HYAL2: variants seen among roughly 807,000 people sequenced by gnomAD.
The protein encoded by HYAL2 is hyaluronidase 2, also known as hyaluronidase-2.
Under a neutral mutation model 35.4 loss-of-function variants are expected in HYAL2, and 30 were observed. That is an observed-to-expected ratio of 0.85 (90% CI 0.63 to 1.15). The LOEUF (loss-of-function observed/expected upper bound fraction) is 1.15, where lower values mean the gene tolerates loss of function less well. Among genes scored for constraint, HYAL2 ranks in the 50% most tolerant of loss-of-function variants. The pLI is 0.00. For synonymous variants in HYAL2, 262 were observed against 252.8 expected (o/e 1.04, Z -0.34); for missense variants, 635 against 646.5 (o/e 0.98, Z 0.19).
At chr3:50,319,084 AC>A in intron 2 of HYAL2, 39 bp from the exon 3 acceptor site, 1 of 1,463,260 alleles carries the variant, frequency 6.8e-7, no homozygotes, top group Non-Finnish European at 9.4e-7. Flanking sequence ...GAAGACTGAG[AC>A]CACAGGGTGA....
chr3:50,317,828 T>C lies in HYAL2; in HGVS notation c.*301A>G, dbSNP rs1253591720. The stretch of plus-strand genomic sequence containing the variant: ...AGAGAAGCAATTGTTTTATGTTTAA[T>C]TTACAAAAGAGACCCCAAAATAATA... On this transcript the variant is annotated 3_prime_UTR_variant, in exon 4 of 4. Coordinates refer to ENST00000357750, the MANE Select transcript of HYAL2 (RefSeq NM_003773.5). 2 of 303,346 alleles carry C rather than the reference T, an allele frequency of 6.6e-6. No homozygotes were observed. The highest frequency in any genetic ancestry group is 1.2e-5 in the Non-Finnish European group (2 of 165,534). The allele number at this position is 303,346 out of a possible 1,614,324, so 18.8% of individuals were successfully genotyped here.
intron 1 of HYAL2, chr3:50,321,060 T>C (rs1431070396): frequency 6.6e-6 from 1 of 152,330 alleles, no homozygotes; most frequent in African/African-American, 2.4e-5. Context: ...GCTGACACTC[T>C]CCCGGCTTGG....
At position 50,320,524 on chromosome 3, in the gene HYAL2, C is replaced by T. The variant is rs1702664680; in HGVS notation, c.-35G>A. The T allele has an allele frequency of 2.7e-6, 4 of 1,490,826 alleles. No individual in the cohort carries two copies. In the South Asian group the frequency reaches 4.1e-5, roughly 15 times the overall value. The allele number at this position is 1,490,826 out of a possible 1,614,324, so 92.3% of individuals were successfully genotyped here. ...TGCAGGAGGTGTCACCTGCCTGGCA[C>T]CAGCTCAGGAACTGGAAGAAGGGTT... is the stretch of plus-strand genomic sequence containing the variant. On this transcript the variant is annotated 5_prime_UTR_variant, in exon 2 of 4. It adds an upstream start codon to the 5' untranslated region. Transcript: ENST00000357750. This position sits in a 1 kb window ranked among gnomAD's most constrained non-coding sequence, Gnocchi z 4.8.
chr3:50,319,995 G>A lies in HYAL2; in HGVS notation c.495C>T (p.Asp165=). The change falls in exon 2 of 4, where the codon GAC becomes GAT. Residue 165 remains aspartate, a synonymous_variant. Coordinates refer to ENST00000357750, the MANE Select transcript of HYAL2 (RefSeq NM_003773.5). ...GTTTGACTATGCGGTCTGGAGGCCA[G>A]TCAGGGTGACGACTGGCCACTAGCT... is the stretch of plus-strand genomic sequence containing the variant. ...SRQLVASRHP[D]WPPDRIVKQA... 6.2e-7 allele frequency: 1 copy of A among 1,613,410 alleles called. No individual in the cohort carries two copies. Among genetic ancestry groups the A allele is most frequent in the East Asian group, 2.2e-5 (1 of 44,890 alleles).
In HYAL2 at chr3:50,318,596, C is replaced by T. The variant is rs1264519010; in HGVS notation, c.1012-57G>A. 16 of 1,472,950 alleles carry T rather than the reference C, an allele frequency of 1.1e-5. No homozygotes were observed. Among genetic ancestry groups the T allele is most frequent in the Non-Finnish European group, 1.4e-5 (15 of 1,081,076 alleles). The allele number at this position is 1,472,950 out of a possible 1,614,324, so 91.2% of individuals were successfully genotyped here. ...GGTCAGCTGCCTCAGCCCACAGGCC[C>T]AGATGGAAACTGTGTCCACACTGTG... is the stretch of plus-strand genomic sequence containing the variant. On this transcript the variant is annotated intron_variant, in intron 3 of 3. Coordinates refer to ENST00000357750, the MANE Select transcript of HYAL2 (RefSeq NM_003773.5). The surrounding 1 kb of genome is among the most constrained non-coding windows in gnomAD (Gnocchi z 4.5).
At position 50,318,966 on chromosome 3, in the gene HYAL2, G is replaced by T; in HGVS notation, c.1001C>A (p.Thr334Asn). 4 of 1,613,546 alleles carry T rather than the reference G, an allele frequency of 2.5e-6. No individual in the cohort carries two copies. Among genetic ancestry groups the T allele is most frequent in the Non-Finnish European group, 2.5e-6 (3 of 1,179,728 alleles). ...GVILWGDAGYTTSTETCQYLK... is the reference protein window; with the variant it reads ...GVILWGDAGYNTSTETCQYLK... ...CTGGGTCTCGCTTACCGTGCTTGTG[G>T]TGTACCCCGCGTCACCCCAGAGGAT... is the stretch of plus-strand genomic sequence containing the variant. Residue 334 changes from threonine to asparagine, a missense_variant, in exon 3 of 4, where the codon ACC (threonine) becomes AAC (asparagine). Transcript: ENST00000357750. The surrounding 1 kb of genome is among the most constrained non-coding windows in gnomAD (Gnocchi z 4.5).
rs1176841342 is a variant in HYAL2 at position 50,320,798 on chromosome 3, T to C, written c.-46-263A>G. On this transcript the variant is annotated intron_variant, in intron 1 of 3. Coordinates refer to ENST00000357750, the MANE Select transcript of HYAL2 (RefSeq NM_003773.5). This position sits in a 1 kb window ranked among gnomAD's most constrained non-coding sequence, Gnocchi z 4.8. ...GTCTGTGACCCTTCTAAGAACTAGA[T>C]AATTTGGGCTCACCAGAGTCACATA... 3 of 367,142 alleles carry C rather than the reference T, an allele frequency of 8.2e-6. No homozygotes were observed. Among genetic ancestry groups the C allele is most frequent in the Non-Finnish European group, 1.5e-5 (3 of 202,964 alleles). The allele number at this position is 367,142 out of a possible 1,614,324, so 22.7% of individuals were successfully genotyped here. A position where few individuals can be genotyped will look rare whatever the true frequency, so the allele number is the denominator to read the frequency against.
In HYAL2 at chr3:50,319,714, G is replaced by T. The variant is rs1553716204; in HGVS notation, c.776C>A (p.Ala259Asp). ...AAAGTTGCGGCCATGGCGGGAGGAA[G>T]CAAGTGTCTCGTCCAGGTAGACAGA... is the stretch of plus-strand genomic sequence containing the variant. ...FPSVYLDETL[A>D]SSRHGRNFVS... Residue 259 changes from alanine to aspartate, a missense_variant, in exon 2 of 4, where the codon GCT (alanine) becomes GAT (aspartate). Transcript: ENST00000357750. The T allele has an allele frequency of 6.2e-7, 1 of 1,613,864 alleles. No individual in the cohort carries two copies. Among genetic ancestry groups the T allele is most frequent in the Admixed American group, 1.7e-5 (1 of 60,030 alleles).
In HYAL2 at chr3:50,318,782, C is replaced by T; in HGVS notation, c.1011+174G>A. 1.5e-6 allele frequency: 1 copy of T among 686,058 alleles called. No homozygotes were observed. Among genetic ancestry groups the T allele is most frequent in the Non-Finnish European group, 2.5e-6 (1 of 399,878 alleles). 42.5% of individuals were successfully genotyped at this position (686,058 alleles called of 1,614,324 possible). On this transcript the variant is annotated intron_variant, in intron 3 of 3. Transcript: ENST00000357750. This position sits in a 1 kb window ranked among gnomAD's most constrained non-coding sequence, Gnocchi z 4.5. ...CAACAGCTGTTCAGGACAGCATTTCCTCTTTCCTGAGAGCAGGGCCGGGGT... is the reference window on the plus strand; with the variant it reads ...CAACAGCTGTTCAGGACAGCATTTCTTCTTTCCTGAGAGCAGGGCCGGGGT...
At position 50,318,404 on chromosome 3, in the gene HYAL2, C is replaced by A. The variant is rs1702603249; in HGVS notation, c.1147G>T (p.Ala383Ser). 6.2e-7 allele frequency: 1 copy of A among 1,613,206 alleles called. No individual in the cohort carries two copies. Among genetic ancestry groups the A allele is most frequent in the African/African-American group, 1.3e-5 (1 of 74,954 alleles). The change falls in exon 4 of 4, where the codon GCC (alanine) becomes TCC (serine). Residue 383 changes from alanine (A) to serine (S), a missense_variant. Ala to Ser is a moderately conservative substitution (Grantham distance 99, BLOSUM62 1). Coordinates refer to ENST00000357750, the MANE Select transcript of HYAL2 (RefSeq NM_003773.5). The surrounding 1 kb of genome is among the most constrained non-coding windows in gnomAD (Gnocchi z 4.5). Reference sequence around the variant, plus strand: ...GTGCTGAGATGCAGGAAGGTACTGGCACTGGGGTTGCGGCGCACACAGCGC... The same window carrying A: ...GTGCTGAGATGCAGGAAGGTACTGGAACTGGGGTTGCGGCGCACACAGCGC... ...HGRCVRRNPS[A>S]STFLHLSTNS...
chr3:50,318,889 G>A lies in HYAL2; in HGVS notation c.1011+67C>T, dbSNP rs1553715984. 2.9e-6 allele frequency: 4 copies of A among 1,391,976 alleles called. No individual in the cohort carries two copies. The highest frequency in any genetic ancestry group is 4.1e-6 in the Non-Finnish European group (4 of 980,432). The allele number at this position is 1,391,976 out of a possible 1,614,324, so 86.2% of individuals were successfully genotyped here. ...GACTAGGATTGCCCACCTGAGGTTG[G>A]TAGCCAAAGGCCCTAACTCTCTGTC... is the stretch of plus-strand genomic sequence containing the variant. On this transcript the variant is annotated intron_variant, in intron 3 of 3. Coordinates refer to ENST00000357750, the MANE Select transcript of HYAL2 (RefSeq NM_003773.5). This position sits in a 1 kb window ranked among gnomAD's most constrained non-coding sequence, Gnocchi z 4.5.
In HYAL2 at chr3:50,320,168, C is replaced by T; in HGVS notation, c.322G>A (p.Ala108Thr). The T allele has an allele frequency of 6.2e-7, 1 of 1,613,908 alleles. No individual in the cohort carries two copies. Among genetic ancestry groups the T allele is most frequent in the Non-Finnish European group, 8.5e-7 (1 of 1,180,042 alleles). The stretch of plus-strand genomic sequence containing the variant: ...CGTTTCTGCAGCATCTTCCGGTGTG[C>T]CCAAAGGCTGACATTCTGTGGCACA... ...GGVPQNVSLW[A>T]HRKMLQKRVE... Residue 108 changes from alanine (A) to threonine (T), a missense_variant, in exon 2 of 4, where the codon GCA becomes ACA. Coordinates refer to ENST00000357750, the MANE Select transcript of HYAL2 (RefSeq NM_003773.5). This position sits in a 1 kb window ranked among gnomAD's most constrained non-coding sequence, Gnocchi z 4.8.
intron 2 of HYAL2, 78 bp downstream of exon 2, chr3:50,319,491 A>G (rs1702633989): frequency 2.4e-6 from 3 of 1,258,576 alleles, no homozygotes; most frequent in Non-Finnish European, 2.2e-6. Flanking sequence ...GTATAGTCCT[A>G]TAGTGGCCCC....
rs1702724293 is a variant in HYAL2 at position 50,322,633 on chromosome 3, G to C, written c.-47+20C>G. ...AGCGCATCTGTGGGGGTGCAGACCAGCCGTCTGCTCTGGGCTCACCTGTGT... is the reference window on the plus strand; with the variant it reads ...AGCGCATCTGTGGGGGTGCAGACCACCCGTCTGCTCTGGGCTCACCTGTGT... On this transcript the variant is annotated intron_variant, in intron 1 of 3. Transcript: ENST00000357750. This position sits in a 1 kb window ranked among gnomAD's most constrained non-coding sequence, Gnocchi z 5.5. 1 of 152,262 alleles carries C rather than the reference G, an allele frequency of 6.6e-6. No homozygotes were observed. The highest frequency in any genetic ancestry group is 6.5e-5 in the Admixed American group (1 of 15,292). The allele number at this position is 152,262 out of a possible 1,614,324, so 9.4% of individuals were successfully genotyped here.
Position 50,320,875 on chromosome 3 carries a change from T to G in HYAL2, c.-46-340A>C. The G allele has an allele frequency of 5.2e-6, 1 of 191,080 alleles. No individual in the cohort carries two copies. Among genetic ancestry groups the G allele is most frequent in the East Asian group, 1.4e-4 (1 of 7,348 alleles). 11.8% of individuals were successfully genotyped at this position (191,080 alleles called of 1,614,324 possible). ...GTTTCAGAGAACCCTGAACAGCTGA[T>G]GCCCACCCTGTACACCGTGAAGAAC... On this transcript the variant is annotated intron_variant, in intron 1 of 3. Transcript: ENST00000357750. The surrounding 1 kb of genome is among the most constrained non-coding windows in gnomAD (Gnocchi z 4.8).
rs1164055021 is a variant in HYAL2, at chr3:50,318,664, T to C, written c.1012-125A>G. 6.4e-6 allele frequency: 6 copies of C among 938,578 alleles called. No homozygotes were observed. Among genetic ancestry groups the C allele is most frequent in the Admixed American group, 2.7e-5 (1 of 37,628 alleles). 58.1% of individuals were successfully genotyped at this position (938,578 alleles called of 1,614,324 possible). A position where few individuals can be genotyped will look rare whatever the true frequency, so the allele number is the denominator to read the frequency against. The stretch of plus-strand genomic sequence containing the variant: ...TAACTGCACACATTCATACATTCAA[T>C]CTGCACCTGAGCCACACAGTCCCTG... On this transcript the variant is annotated intron_variant, in intron 3 of 3. Transcript: ENST00000357750. This position sits in a 1 kb window ranked among gnomAD's most constrained non-coding sequence, Gnocchi z 4.5.
In HYAL2 at chr3:50,320,333, C is replaced by T. The variant is rs1702658624; in HGVS notation, c.157G>A (p.Val53Met). 12 of 1,613,916 alleles carry T rather than the reference C, an allele frequency of 7.4e-6. No individual in the cohort carries two copies. Among genetic ancestry groups the T allele is most frequent in the Non-Finnish European group, 9.3e-6 (11 of 1,179,998 alleles). The change falls in exon 2 of 4, where the codon GTG becomes ATG. Residue 53 changes from valine to methionine, a missense_variant. By Grantham distance (21) the Val-to-Met change is conservative. Transcript: ENST00000357750. The surrounding 1 kb of genome is among the most constrained non-coding windows in gnomAD (Gnocchi z 4.8). Reference protein sequence around the residue: ...PTQDCGPRLKVPLDLNAFDVQ... With the variant: ...PTQDCGPRLKMPLDLNAFDVQ... The stretch of plus-strand genomic sequence containing the variant: ...TCAAAGGCATTCAGGTCCAGTGGCA[C>T]CTTGAGGCGTGGGCCACAGTCCTGT...
chr3:50,318,868 A>G lies in HYAL2; in HGVS notation c.1011+88T>C. The stretch of plus-strand genomic sequence containing the variant: ...GGGAGACAGACAAGGGGACCAGACT[A>G]GGATTGCCCACCTGAGGTTGGTAGC... On this transcript the variant is annotated intron_variant, in intron 3 of 3. Coordinates refer to ENST00000357750, the MANE Select transcript of HYAL2 (RefSeq NM_003773.5). This position sits in a 1 kb window ranked among gnomAD's most constrained non-coding sequence, Gnocchi z 4.5. The G allele has an allele frequency of 8.7e-7, 1 of 1,149,140 alleles. No homozygotes were observed. Among genetic ancestry groups the G allele is most frequent in the Non-Finnish European group, 1.3e-6 (1 of 762,506 alleles). 71.2% of individuals were successfully genotyped at this position (1,149,140 alleles called of 1,614,324 possible). A position where few individuals can be genotyped will look rare whatever the true frequency, so the allele number is the denominator to read the frequency against.
chr3:50,321,601 A>G (rs1415986734), intron 1 of HYAL2: 3 of 151,840 alleles, frequency 2.0e-5, no homozygotes, highest in African/African-American at 7.3e-5. Flanking sequence ...TTCGGGCTCG[A>G]AGAGCCCCAG....
Sources: gnomAD v4.1 joint callset for allele counts on GRCh38, gnomAD v4.1.1 for gene constraint, Gnocchi (gnomAD v3.1) non-coding constraint, MANE v1.5 for transcripts, NCBI Gene and HGNC (gene_info 2026-07-23, HGNC 2026-07-21) for gene names.